The following ATP8A2 variants were observed in gnomAD, a reference collection of about 807,000 sequenced individuals.
ATP8A2 encodes phospholipid-transporting ATPase IB.
In ATP8A2, 100 loss-of-function variants were observed where a neutral mutation model predicts 165.6. That is an observed-to-expected ratio of 0.60 (90% confidence interval 0.51 to 0.71). ATP8A2 has a LOEUF of 0.71. Ranked by LOEUF, ATP8A2 falls within the 30% of genes least tolerant of loss-of-function variation. ATP8A2 has a pLI of 0.00. For synonymous variants in ATP8A2, 543 were observed against 548.8 expected (o/e 0.99, Z 0.15); for missense variants, 1,227 against 1,479.5 (o/e 0.83, Z 2.80).
intron 1 of ATP8A2, among the ~76,000 whole-genome samples, chr13:25,397,305 A>G (rs1030692526): frequency 6.6e-6 from 1 of 152,194 alleles, no homozygotes; most frequent in African/African-American, 2.4e-5. Context: ...AGTCCACATG[A>G]ATTATCAAAA....
At chr13:25,994,195 C>A (rs760667278) in intron 35 of ATP8A2, among the ~76,000 whole-genome samples, 2 of 151,990 alleles carry the variant, frequency 1.3e-5, no homozygotes, top group Non-Finnish European at 2.9e-5. Context: ...ACATCATGTA[C>A]TTTGATGAAC....
At chr13:25,452,474 A>C (rs1239150926) in intron 1 of ATP8A2, among the ~76,000 whole-genome samples, 36 of 152,122 alleles carry the variant, frequency 2.4e-4, no homozygotes, top group Non-Finnish European at 2.9e-5. Context: ...TTTTTGTGTA[A>C]GTCAAATATC....
At chr13:25,401,666 A>C (rs1032215594) in intron 1 of ATP8A2, among the ~76,000 whole-genome samples, 2 of 152,200 alleles carry the variant, frequency 1.3e-5, no homozygotes, top group African/African-American at 4.8e-5. Flanking sequence ...CATGGGGTGC[A>C]CATTCCAAGA....
chr13:25,558,712 G>A (rs2039055067), intron 13 of ATP8A2, among the ~76,000 whole-genome samples: 1 of 152,080 alleles, frequency 6.6e-6, no homozygotes, highest in African/African-American at 2.4e-5. Context: ...TCATTCAGTA[G>A]CACATCATTC....
At chr13:25,402,435 T>C (rs1027891956) in intron 1 of ATP8A2, among the ~76,000 whole-genome samples, 2 of 152,190 alleles carry the variant, frequency 1.3e-5, no homozygotes, top group African/African-American at 4.8e-5. Flanking sequence ...TCTGCATGGA[T>C]GAAAGGGCAG....
intron 2 of ATP8A2, among the ~76,000 whole-genome samples, 166 bp from the exon 3 acceptor site, chr13:25,529,833 A>G (rs889846769): frequency 6.6e-6 from 1 of 152,218 alleles, no homozygotes; most frequent in Non-Finnish European, 1.5e-5. Flanking sequence ...GCGCCATTTT[A>G]CAAACTAAAG....
chr13:25,812,823 A>G (rs185370465), intron 27 of ATP8A2, among the ~76,000 whole-genome samples: 2 of 152,302 alleles, frequency 1.3e-5, no homozygotes, highest in Admixed American at 6.5e-5. Context: ...AAGACACGGA[A>G]TCAACCCAAA....
chr13:25,983,620 G>A (rs1956215092), intron 35 of ATP8A2, among the ~76,000 whole-genome samples: 1 of 152,166 alleles, frequency 6.6e-6, no homozygotes, highest in Non-Finnish European at 1.5e-5. Flanking sequence ...GATAAAACTA[G>A]GGTTTCTGAG....
chr13:25,505,676 A>G (rs1239965268), intron 2 of ATP8A2, among the ~76,000 whole-genome samples: 1 of 152,230 alleles, frequency 6.6e-6, no homozygotes, highest in Non-Finnish European at 1.5e-5. Context: ...GGACATTACC[A>G]GGAGAGCCTG....
intron 30 of ATP8A2, among the ~76,000 whole-genome samples, chr13:25,854,454 C>T (rs1344814485): frequency 1.3e-5 from 2 of 152,124 alleles, no homozygotes; most frequent in East Asian, 1.9e-4. Context: ...TCCCACATAG[C>T]TGGAACTACA....
intron 24 of ATP8A2, among the ~76,000 whole-genome samples, chr13:25,612,317 G>A (rs2040709195): frequency 6.6e-6 from 1 of 151,976 alleles, no homozygotes; most frequent in African/African-American, 2.4e-5. Context: ...TATCCCAGAG[G>A]TTTTGATAGG....
At chr13:25,484,293 G>C (rs2036289826) in intron 2 of ATP8A2, among the ~76,000 whole-genome samples, 1 of 152,126 alleles carries the variant, frequency 6.6e-6, no homozygotes, top group East Asian at 1.9e-4. Context: ...CCACATGTAT[G>C]ACTAGAGTTG....
chr13:25,412,835 G>A (rs550878973), intron 1 of ATP8A2, among the ~76,000 whole-genome samples: 5 of 152,132 alleles, frequency 3.3e-5, no homozygotes, highest in East Asian at 1.9e-4. Context: ...ATTTTTTTTG[G>A]GGGGGGATGG....
intron 21 of ATP8A2, among the ~76,000 whole-genome samples, chr13:25,579,235 T>G (rs1298481383): frequency 6.6e-6 from 1 of 152,202 alleles, no homozygotes; most frequent in Non-Finnish European, 1.5e-5. Flanking sequence ...GAAATAATAA[T>G]TCATGGAACC....
At chr13:25,553,194 C>T (rs1292872687) in intron 11 of ATP8A2, among the ~76,000 whole-genome samples, 19 of 150,138 alleles carry the variant, frequency 1.3e-4, no homozygotes, top group African/African-American at 4.4e-4. Context: ...TCCCCCTCTC[C>T]CTCCCCCATT....
At chr13:25,480,521 C>T (rs371433044) in intron 2 of ATP8A2, among the ~76,000 whole-genome samples, 88 of 143,732 alleles carry the variant, frequency 6.1e-4, no homozygotes, top group African/African-American at 2.0e-3. Flanking sequence ...CCAGACGGGG[C>T]GGCGGGGCAA....
Position 25,968,113 on chromosome 13 carries a change from G to T in ATP8A2, c.3273-462G>T, listed in dbSNP as rs187808468. On this transcript the variant is annotated intron_variant, in intron 34 of 36. Coordinates refer to ENST00000381655, the MANE Select transcript of ATP8A2 (RefSeq NM_016529.6). The stretch of plus-strand genomic sequence containing the variant: ...CTGCTGTGGCAGTGGCTCTTTTCAC[G>T]CTAAAGAGGGAGGGAGGAAACTTGC... Among the ~76,000 whole-genome samples, 230 of 152,276 alleles carry T rather than the reference G, an allele frequency of 1.5e-3. 1 individual carries two copies. Among genetic ancestry groups the T allele is most frequent in the South Asian group, 6.8e-3 (33 of 4,822 alleles).
chr13:25,646,409 G>C (rs1324645716), intron 24 of ATP8A2, among the ~76,000 whole-genome samples: 3 of 152,082 alleles, frequency 2.0e-5, no homozygotes, highest in East Asian at 3.9e-4. Flanking sequence ...CCAGCACTTT[G>C]GAAGGCCGAG....
rs573153511 is a variant in ATP8A2, at chr13:25,747,558, A to C, written c.2385-21488A>C. 6.0e-5 allele frequency among the ~76,000 whole-genome samples: 9 copies of C among 151,136 alleles called. No homozygotes were observed. The South Asian group carries it at 1.9e-3, about 32-fold the overall frequency. ...TGGAGTGGAGGAGGTAAGCTCAGTC[A>C]TGGAGGAGGGGTTAGACACGTGGAG... On this transcript the variant is annotated intron_variant, in intron 25 of 36. Coordinates refer to ENST00000381655, the MANE Select transcript of ATP8A2 (RefSeq NM_016529.6).
Sources: allele counts gnomAD v4.1 joint callset (sites outside exome capture counted in the v4.1 genomes callset), GRCh38; gene constraint gnomAD v4.1.1; transcripts MANE v1.5; gene names NCBI Gene and HGNC (gene_info 2026-07-23, HGNC 2026-07-21).